The following ZNF98 variants were observed in gnomAD, a reference collection of about 807,000 sequenced individuals.
ZNF98 encodes the protein zinc finger protein 98, also known as zinc finger protein 739.
In ZNF98, 8 loss-of-function variants were observed where a neutral mutation model predicts 12.8. The ratio of observed to expected loss-of-function variants is 0.63; its 90% CI spans 0.37 to 1.13. The LOEUF is 1.13. Among genes scored for constraint, ZNF98 ranks in the 50% most tolerant of loss-of-function variants. The pLI is 0.01. For missense variants in ZNF98, 379 were observed against 666.1 expected (o/e 0.57, Z 4.74); for synonymous variants, 112 against 223.5 (o/e 0.50, Z 4.45).
At chr19:22,407,898 C>T (rs545298019) in intron 1 of ZNF98, among the ~76,000 whole-genome samples, 4 of 151,654 alleles carry the variant, frequency 2.6e-5, no homozygotes, top group South Asian at 2.1e-4. Context: ...GGAGAAACCC[C>T]GTCTCTACTA....
intron 1 of ZNF98, among the ~76,000 whole-genome samples, chr19:22,416,423 C>G (rs543889295): frequency 1.6e-4 from 24 of 152,034 alleles, no homozygotes; most frequent in African/African-American, 5.6e-4. Flanking sequence ...TAACCGAGAT[C>G]GCGCCACTGC....
intron 1 of ZNF98, among the ~76,000 whole-genome samples, chr19:22,405,757 C>T (rs8111665): frequency 0.43 from 65,370 of 151,978 alleles, 14,270 homozygotes; most frequent in Non-Finnish European, 0.46. Flanking sequence ...TCTAAGCCAT[C>T]TGAGCTCCCC....
chr19:22,400,964 C>A (rs111498572), intron 3 of ZNF98, among the ~76,000 whole-genome samples: 58,957 of 138,740 alleles, frequency 0.42, 13,490 homozygotes, highest in African/African-American at 0.51. Context: ...AAAAACAAAA[C>A]AAAACAAAAC....
At chr19:22,415,928 A>G (rs1969635472) in intron 1 of ZNF98, among the ~76,000 whole-genome samples, 1 of 117,518 alleles carries the variant, frequency 8.5e-6, no homozygotes, top group African/African-American at 3.1e-5. Flanking sequence ...CCCCGTTCCT[A>G]CTTAAAAAAA....
Position 22,392,770 on chromosome 19 carries a change from T to C in ZNF98, c.465A>G (p.Gln155=), listed in dbSNP as rs1246607124. The C allele has an allele frequency of 3.1e-6, 5 of 1,612,080 alleles. No individual in the cohort carries two copies. The highest frequency in any genetic ancestry group is 1.7e-5 in the Admixed American group (1 of 59,568). ...CLTTTQNKIF[Q]YDKYVKVFHK... ...GAAAGACTTTCACATATTTGTCATA[T>C]TGAAATATTTTGTTCTGGGTAGTTG... The change falls in exon 4 of 4, where the codon CAA becomes CAG. Residue 155 remains glutamine, a synonymous_variant. Transcript: ENST00000357774.
At chr19:22,418,203 C>T (rs1055543964) in intron 1 of ZNF98, among the ~76,000 whole-genome samples, 10 of 152,116 alleles carry the variant, frequency 6.6e-5, no homozygotes, top group Non-Finnish European at 1.2e-4. Flanking sequence ...TCACAAACCC[C>T]ATAGGCCCAT....
Position 22,392,772 on chromosome 19 carries a change from G to A in ZNF98, c.463C>T (p.Gln155Ter). The A allele has an allele frequency of 6.2e-7, 1 of 1,612,116 alleles. No homozygotes were observed. The highest frequency in any genetic ancestry group is 8.5e-7 in the Non-Finnish European group (1 of 1,179,088). ...AAGACTTTCACATATTTGTCATATT[G>A]AAATATTTTGTTCTGGGTAGTTGTC... The part of the protein sequence containing the change: ...CLTTTQNKIF[Q>*]YDKYVKVFHK... The change falls in exon 4 of 4, where the codon CAA (glutamine) becomes TAA (stop). Residue 155 changes from glutamine to a stop codon, truncating the protein, a stop_gained. Coordinates refer to ENST00000357774, the MANE Select transcript of ZNF98 (RefSeq NM_001098626.2). LOFTEE classifies it low-confidence loss of function (END_TRUNC).
intron 3 of ZNF98, among the ~76,000 whole-genome samples, chr19:22,401,974 G>A (rs1257103895): frequency 6.7e-6 from 1 of 149,480 alleles, no homozygotes; most frequent in East Asian, 2.0e-4. Context: ...CTAGGAGTTC[G>A]AGACCAGCCT....
intron 3 of ZNF98, among the ~76,000 whole-genome samples, chr19:22,398,861 T>C (rs1969426824): frequency 6.6e-6 from 1 of 152,110 alleles, no homozygotes; most frequent in African/African-American, 2.4e-5. Flanking sequence ...TGACTACTCA[T>C]TTAGACAAGA....
intron 1 of ZNF98, among the ~76,000 whole-genome samples, chr19:22,411,192 G>A (rs1251827886): frequency 6.6e-6 from 1 of 151,606 alleles, no homozygotes; most frequent in Non-Finnish European, 1.5e-5. Context: ...ACAGGCATGC[G>A]CCACCATGCC....
At chr19:22,407,216 C>G (rs370465168) in intron 1 of ZNF98, among the ~76,000 whole-genome samples, 1 of 151,778 alleles carries the variant, frequency 6.6e-6, no homozygotes, top group Non-Finnish European at 1.5e-5. Context: ...GCCACCATGA[C>G]CAGCTAATTT....
intron 3 of ZNF98, chr19:22,402,514 C>T (rs1048341927): frequency 7.3e-6 from 3 of 413,306 alleles, no homozygotes; most frequent in African/African-American, 6.2e-5. Context: ...AGTCAGATTT[C>T]ACAGTCTCTT....
At chr19:22,393,627 G>T (rs879439774) in intron 3 of ZNF98, among the ~76,000 whole-genome samples, 165 of 152,106 alleles carry the variant, frequency 1.1e-3, no homozygotes, top group Non-Finnish European at 1.8e-3. Context: ...AAACTGGCTA[G>T]CCATATGTAG....
chr19:22,415,399 G>C (rs566253460), intron 1 of ZNF98, among the ~76,000 whole-genome samples: 1 of 152,096 alleles, frequency 6.6e-6, no homozygotes, highest in Non-Finnish European at 1.5e-5. Context: ...AAAGACATAC[G>C]CATGTTCATT....
intron 1 of ZNF98, among the ~76,000 whole-genome samples, chr19:22,407,745 A>C (rs1969537631): frequency 1.3e-5 from 2 of 150,664 alleles, no homozygotes; most frequent in African/African-American, 2.5e-5. Flanking sequence ...AACAAAACAA[A>C]ACTGGCAAAC....
In ZNF98 at chr19:22,392,655, G is replaced by C; in HGVS notation, c.580C>G (p.Leu194Val). ...CKECEKSFCMLSHLAQHKRIH... is the reference protein window; with the variant it reads ...CKECEKSFCMVSHLAQHKRIH... ...CTTTTATGTTGAGCTAAGTGTGAAA[G>C]CATGCAAAATGACTTTTCACATTCT... The change falls in exon 4 of 4, where the codon CTT (leucine) becomes GTT (valine). Residue 194 changes from leucine (L) to valine (V), a missense_variant. Transcript: ENST00000357774. The C allele has an allele frequency of 2.5e-6, 4 of 1,591,530 alleles. No homozygotes were observed. The highest frequency in any genetic ancestry group is 3.4e-6 in the Non-Finnish European group (4 of 1,167,610).
chr19:22,403,584 T>C (rs1969486308), intron 1 of ZNF98, 72 bp from the exon 2 acceptor site: 3 of 1,485,084 alleles, frequency 2.0e-6, no homozygotes, highest in Non-Finnish European at 2.7e-6. Context: ...TGACTCAAGG[T>C]AAAACAAGAG....
chr19:22,403,249 T>C (rs1285223766), intron 2 of ZNF98, 137 bp downstream of exon 2: 4 of 1,062,768 alleles, frequency 3.8e-6, no homozygotes, highest in Non-Finnish European at 3.9e-6. Context: ...CATAGACAAA[T>C]CTTGAAGTTA....
intron 1 of ZNF98, among the ~76,000 whole-genome samples, chr19:22,417,938 A>G (rs1247278285): frequency 6.6e-6 from 1 of 152,116 alleles, no homozygotes; most frequent in Non-Finnish European, 1.5e-5. Flanking sequence ...ATCACAGGAC[A>G]ATGGGCAGTG....
Sources: allele counts gnomAD v4.1 joint callset (sites outside exome capture counted in the v4.1 genomes callset), GRCh38; gene constraint gnomAD v4.1.1; transcripts MANE v1.5; gene names NCBI Gene and HGNC (gene_info 2026-07-23, HGNC 2026-07-21).